DLG2: variants seen among roughly 807,000 people sequenced by gnomAD.
DLG2 encodes the protein disks large homolog 2.
In DLG2, 45 loss-of-function variants were observed where a neutral mutation model predicts 132.5. The ratio of observed to expected loss-of-function variants is 0.34; its 90% CI spans 0.27 to 0.44. The LOEUF (loss-of-function observed/expected upper bound fraction) is 0.44. DLG2 is among the 20% of genes least tolerant of loss of function. The pLI is 1.00. For synonymous variants in DLG2, 424 were observed against 419.6 expected, an observed-to-expected ratio of 1.01 and a Z score of -0.13; for missense variants, 1,045 against 1,196.9, an observed-to-expected ratio of 0.87 and a Z score of 1.87.
At chr11:85,429,381 G>A (rs2091004319) in intron 3 of DLG2, among the ~76,000 whole-genome samples, 1 of 152,062 alleles carries the variant, frequency 6.6e-6, no homozygotes, top group African/African-American at 2.4e-5. Context: ...AAACTAAAGA[G>A]CTTCTGCACG....
chr11:83,668,035 C>A (rs187208764), intron 18 of DLG2, among the ~76,000 whole-genome samples: 78 of 139,688 alleles, frequency 5.6e-4, no homozygotes, highest in African/African-American at 2.0e-3. Context: ...CCCCTGGCTG[C>A]CAGTCACTTT....
At chr11:83,702,983 C>T (rs535271410) in intron 18 of DLG2, among the ~76,000 whole-genome samples, 19 of 152,330 alleles carry the variant, frequency 1.2e-4, no homozygotes, top group Admixed American at 5.2e-4. Context: ...TATAATGACG[C>T]ATCAATCCAG....
At chr11:85,405,085 G>T (rs1212322581) in intron 3 of DLG2, among the ~76,000 whole-genome samples, 9 of 151,822 alleles carry the variant, frequency 5.9e-5, no homozygotes, top group Non-Finnish European at 1.2e-4. Flanking sequence ...ATTCTATTTG[G>T]TCAGGCACTG....
At chr11:85,587,836 G>A (rs1237271789) in intron 3 of DLG2, among the ~76,000 whole-genome samples, 1 of 152,118 alleles carries the variant, frequency 6.6e-6, no homozygotes, top group African/African-American at 2.4e-5. Context: ...TGTATTTCGA[G>A]GTTTTGTTTC....
intron 18 of DLG2, among the ~76,000 whole-genome samples, chr11:83,719,820 T>G (rs990921849): frequency 8.5e-5 from 13 of 152,098 alleles, no homozygotes; most frequent in Admixed American, 6.6e-4. Flanking sequence ...CTATAAAGAA[T>G]ATAATACAGG....
intron 3 of DLG2, among the ~76,000 whole-genome samples, chr11:85,485,826 G>T (rs1333027737): frequency 6.6e-6 from 1 of 152,198 alleles, no homozygotes. Context: ...TGAGCCCTGA[G>T]CAGCTGCTTC....
At chr11:84,830,951 T>TCCC (rs373545430) in intron 6 of DLG2, among the ~76,000 whole-genome samples, 23 of 60,368 alleles carry the variant, frequency 3.8e-4, no homozygotes, top group Non-Finnish European at 5.5e-4. Context: ...CTCTCTCTCC[T>TCCC]CCCCCCACCC....
intron 4 of DLG2, among the ~76,000 whole-genome samples, chr11:85,257,655 T>C (rs1045937857): frequency 6.6e-6 from 1 of 152,186 alleles, no homozygotes; most frequent in African/African-American, 2.4e-5. Flanking sequence ...ATCACTGAAA[T>C]ATGTAGGCAA....
chr11:83,593,488 C>A (rs2097224781), intron 19 of DLG2, among the ~76,000 whole-genome samples: 1 of 151,394 alleles, frequency 6.6e-6, no homozygotes, highest in African/African-American at 2.4e-5. Flanking sequence ...ACTCTGGGGA[C>A]TGTGGTGGGG....
intron 21 of DLG2, among the ~76,000 whole-genome samples, chr11:83,500,550 T>C (rs747250555): frequency 6.6e-6 from 1 of 152,200 alleles, no homozygotes; most frequent in Non-Finnish European, 1.5e-5. Flanking sequence ...CACTGGGTCA[T>C]AGGTCCAGTT....
rs145417001 is a variant in DLG2, at chr11:84,467,865, C to T, written c.519+66705G>A. ...TCTGTGAAGATAATCTGGCTATCTA[C>T]TTAGGGAAAGATACATCAAAAGACT... is the stretch of plus-strand genomic sequence containing the variant. On this transcript the variant is annotated intron_variant, in intron 7 of 27. Transcript: ENST00000376104. Among the ~76,000 whole-genome samples, 17 of 151,526 alleles carry T rather than the reference C, an allele frequency of 1.1e-4. No individual in the cohort carries two copies. The East Asian group carries it at 3.3e-3, about 30-fold the overall frequency.
chr11:84,820,227 C>A (rs1406923490), intron 6 of DLG2, among the ~76,000 whole-genome samples: 2 of 151,768 alleles, frequency 1.3e-5, no homozygotes, highest in South Asian at 4.1e-4. Context: ...AGGGCTCAAG[C>A]TGATTTTAAT....
intron 3 of DLG2, among the ~76,000 whole-genome samples, chr11:85,464,750 G>T (rs1432296578): frequency 2.0e-5 from 3 of 151,798 alleles, no homozygotes; most frequent in Non-Finnish European, 4.4e-5. Flanking sequence ...TACAAAGGCA[G>T]TTTAGTTTGG....
At chr11:84,350,184 C>A (rs7105699) in intron 7 of DLG2, among the ~76,000 whole-genome samples, 6,850 of 102,246 alleles carry the variant, frequency 0.067, 570 homozygotes, top group African/African-American at 0.21. Context: ...TCCCCCCCCC[C>A]AAAAAAAAAA....
At chr11:83,487,952 GT>G (rs756772998) in intron 21 of DLG2, among the ~76,000 whole-genome samples, 43 of 151,728 alleles carry the variant, frequency 2.8e-4, no homozygotes, top group African/African-American at 8.0e-4. Flanking sequence ...GGCAGCCAAG[GT>G]TTTTTTTAGG....
intron 3 of DLG2, among the ~76,000 whole-genome samples, chr11:85,518,272 C>T (rs1337448258): frequency 6.6e-6 from 1 of 152,162 alleles, no homozygotes; most frequent in East Asian, 1.9e-4. Context: ...TTCCTGGAGA[C>T]TTCTTGAATG....
At chr11:84,965,998 G>A (rs149478432) in intron 6 of DLG2, among the ~76,000 whole-genome samples, 90 of 152,002 alleles carry the variant, frequency 5.9e-4, no homozygotes, top group African/African-American at 1.9e-3. Flanking sequence ...TATCTTCTTC[G>A]AAGGACTTGG....
chr11:83,962,076 C>G (rs532483589), intron 14 of DLG2, among the ~76,000 whole-genome samples: 1 of 152,112 alleles, frequency 6.6e-6, no homozygotes, highest in South Asian at 2.1e-4. Context: ...TTTTGAAAGG[C>G]TGACAAATGA....
At chr11:83,855,733 A>C (rs1248520452) in intron 16 of DLG2, among the ~76,000 whole-genome samples, 2 of 152,126 alleles carry the variant, frequency 1.3e-5, no homozygotes, top group Non-Finnish European at 2.9e-5. Context: ...GGGATACATC[A>C]GGAGGCTGAG....
Sources: allele counts gnomAD v4.1 joint callset (sites outside exome capture counted in the v4.1 genomes callset), GRCh38; gene constraint gnomAD v4.1.1; transcripts MANE v1.5; gene names NCBI Gene and HGNC (gene_info 2026-07-23, HGNC 2026-07-21).